NEGR1: variants seen among roughly 807,000 people sequenced by gnomAD.
NEGR1 encodes IgLON family member 4.
Under a neutral mutation model 40.9 loss-of-function variants are expected in NEGR1, and 10 were observed. That is an observed-to-expected ratio of 0.24 (90% CI 0.15 to 0.42). The LOEUF (loss-of-function observed/expected upper bound fraction) is 0.42. Among genes scored for constraint, NEGR1 ranks in the 10% least tolerant of loss-of-function variants. The probability of loss-of-function intolerance (pLI) is 1.00; values close to 1 mark genes in which losing one functional copy is unlikely to be tolerated. For missense variants in NEGR1, 352 were observed against 438.9 expected, an observed-to-expected ratio of 0.80 and a Z score of 1.77; for synonymous variants, 185 against 166.8, an observed-to-expected ratio of 1.11 and a Z score of -0.84.
At chr1:71,755,623 T>C (rs1655706128) in intron 3 of NEGR1, among the ~76,000 whole-genome samples, 1 of 152,212 alleles carries the variant, frequency 6.6e-6, no homozygotes, top group Non-Finnish European at 1.5e-5. Flanking sequence ...ACAACTTTTG[T>C]CTTGCCTTCA....
At chr1:72,046,491 A>T (rs552870338) in intron 1 of NEGR1, among the ~76,000 whole-genome samples, 54 of 151,818 alleles carry the variant, frequency 3.6e-4, no homozygotes, top group Non-Finnish European at 6.2e-4. Context: ...TAAATAAATT[A>T]TAGCTTCATG....
chr1:71,578,943 G>A (rs1171288389), intron 6 of NEGR1, among the ~76,000 whole-genome samples: 2 of 152,136 alleles, frequency 1.3e-5, no homozygotes, highest in Admixed American at 1.3e-4. Context: ...AAAAGTCGTA[G>A]AGAATTTAAG....
At chr1:71,858,537 T>C (rs1188885230) in intron 2 of NEGR1, among the ~76,000 whole-genome samples, 2 of 152,134 alleles carry the variant, frequency 1.3e-5, no homozygotes, top group South Asian at 2.1e-4. Flanking sequence ...TCAGTGATAA[T>C]TGAAGAAAAG....
At chr1:72,150,107 T>C (rs1430585339) in intron 1 of NEGR1, among the ~76,000 whole-genome samples, 3 of 152,124 alleles carry the variant, frequency 2.0e-5, no homozygotes, top group Non-Finnish European at 4.4e-5. Context: ...TTTATGGGCA[T>C]TAAATTTCCA....
chr1:71,593,050 C>G, intron 5 of NEGR1, 82 bp from the exon 6 acceptor site: 1 of 935,814 alleles, frequency 1.1e-6, no homozygotes, highest in Non-Finnish European at 1.7e-6. Context: ...GTTGTCATGG[C>G]AACCCATAGA....
intron 1 of NEGR1, among the ~76,000 whole-genome samples, chr1:72,063,760 C>G (rs767850634): frequency 1.3e-4 from 19 of 151,934 alleles, no homozygotes; most frequent in African/African-American, 4.6e-4. Flanking sequence ...GAGTCATACA[C>G]TATACACATT....
intron 6 of NEGR1, among the ~76,000 whole-genome samples, chr1:71,512,039 G>T (rs1198362155): frequency 6.6e-6 from 1 of 152,108 alleles, no homozygotes; most frequent in East Asian, 1.9e-4. Context: ...GCAAGTAAAT[G>T]ATACGATGCA....
At chr1:71,579,668 A>G (rs533669166) in intron 6 of NEGR1, among the ~76,000 whole-genome samples, 5 of 151,526 alleles carry the variant, frequency 3.3e-5, no homozygotes, top group African/African-American at 9.7e-5. Context: ...CCTATTTCAA[A>G]GCAGTTTAAC....
chr1:71,671,891 CTCTTTT>C (rs1557607222), intron 4 of NEGR1, among the ~76,000 whole-genome samples: 3 of 92,426 alleles, frequency 3.2e-5, no homozygotes, highest in Non-Finnish European at 7.2e-5. Flanking sequence ...TTCTCTCTCT[CTCTTTT>C]TTTTTTTTTT....
At chr1:71,877,118 G>A (rs1045457390) in intron 2 of NEGR1, among the ~76,000 whole-genome samples, 23 of 150,996 alleles carry the variant, frequency 1.5e-4, no homozygotes, top group African/African-American at 5.6e-4. Flanking sequence ...AGCATTCAAA[G>A]CAAAGGTAGG....
intron 2 of NEGR1, among the ~76,000 whole-genome samples, chr1:71,884,322 T>A (rs1421143838): frequency 6.6e-6 from 1 of 152,170 alleles, no homozygotes; most frequent in African/African-American, 2.4e-5. Flanking sequence ...GCAAGCCATA[T>A]ATCATTCATT....
Position 71,698,036 on chromosome 1 carries a change from A to G in NEGR1, c.639T>C (p.Asp213=), listed in dbSNP as rs373210517. The part of the protein sequence containing the change: ...CSAENDVSFP[D]VRKVKVVVNF... ...TGACAACAACTTTTACTTTCCTCAC[A>G]TCTGGGAATGACACATCATTTTCCG... Residue 213 remains aspartate (D), a synonymous_variant, in exon 4 of 7, where the codon GAT becomes GAC. Coordinates refer to ENST00000357731, the MANE Select transcript of NEGR1 (RefSeq NM_173808.3). 2 of 1,611,528 alleles carry G rather than the reference A, an allele frequency of 1.2e-6. No individual in the cohort carries two copies. Among genetic ancestry groups the G allele is most frequent in the African/African-American group, 1.3e-5 (1 of 74,878 alleles).
rs935607298 is a variant in NEGR1, at chr1:71,397,223, G to A, written c.*10223C>T. ...TTGCCCTAGAGATGTGTAGAACTTT[G>A]AAGTTGAGAGAGGTGATTTAGGATA... On this transcript the variant is annotated 3_prime_UTR_variant, in exon 7 of 7. Transcript: ENST00000357731. The A allele has an allele frequency of 6.5e-6, 1 of 152,768 alleles. No individual in the cohort carries two copies. The highest frequency in any genetic ancestry group is 2.4e-5 in the African/African-American group (1 of 41,464). The allele number at this position is 152,768 out of a possible 1,614,324, so 9.5% of individuals were successfully genotyped here. A position where few individuals can be genotyped will look rare whatever the true frequency, so the allele number is the denominator to read the frequency against.
At chr1:72,269,371 A>C (rs1295954472) in intron 1 of NEGR1, among the ~76,000 whole-genome samples, 1 of 151,676 alleles carries the variant, frequency 6.6e-6, no homozygotes, top group Non-Finnish European at 1.5e-5. Flanking sequence ...CAGGATGGGC[A>C]TTCAGATGAT....
chr1:72,214,470 T>C (rs551391281), intron 1 of NEGR1, among the ~76,000 whole-genome samples: 2 of 152,076 alleles, frequency 1.3e-5, no homozygotes, highest in Non-Finnish European at 2.9e-5. Context: ...AAAAACCCCA[T>C]TGTCTCAGCA....
chr1:71,700,851 TACTAA>T, intron 3 of NEGR1, among the ~76,000 whole-genome samples: 1 of 151,884 alleles, frequency 6.6e-6, no homozygotes, highest in Non-Finnish European at 1.5e-5. Context: ...GGAGGGACAA[TACTAA>T]TTGCATGAAT....
At chr1:71,521,225 C>T (rs1647154858) in intron 6 of NEGR1, among the ~76,000 whole-genome samples, 1 of 151,988 alleles carries the variant, frequency 6.6e-6, no homozygotes, top group South Asian at 2.1e-4. Flanking sequence ...GGAAAACGGT[C>T]AATTTAACTA....
intron 1 of NEGR1, among the ~76,000 whole-genome samples, chr1:72,085,460 A>T (rs1414406027): frequency 6.6e-6 from 1 of 152,162 alleles, no homozygotes; most frequent in Non-Finnish European, 1.5e-5. Flanking sequence ...TGTTTTAAAC[A>T]AGTTTTTCTT....
chr1:72,139,117 G>A (rs183151068), intron 1 of NEGR1, among the ~76,000 whole-genome samples: 7 of 150,648 alleles, frequency 4.6e-5, no homozygotes, highest in Non-Finnish European at 1.0e-4. Flanking sequence ...AAAATCAAAG[G>A]TGAATTACAA....
Sources: gnomAD v4.1 joint callset for allele counts (sites outside exome capture counted in the v4.1 genomes callset) on GRCh38, gnomAD v4.1.1 for gene constraint, MANE v1.5 for transcripts, NCBI Gene and HGNC (gene_info 2026-07-23, HGNC 2026-07-21) for gene names.